The following SH3BGRL2 variants were observed in gnomAD, a reference collection of about 807,000 sequenced individuals.
SH3BGRL2 encodes the protein SH3 domain-binding glutamic acid-rich-like protein 2.
A neutral mutation model predicts 14.8 loss-of-function variants in SH3BGRL2; 21 were observed. The observed-to-expected ratio is 1.42, with a 90% CI of 1.01 to 2.05. SH3BGRL2 has a LOEUF of 2.05. SH3BGRL2 is among the 30% of genes most tolerant of loss of function. SH3BGRL2 has a pLI of 0.00. For missense variants in SH3BGRL2, 147 were observed against 130.8 expected (o/e 1.12, Z -0.61); for synonymous variants, 50 against 47.8 (o/e 1.05, Z -0.19).
chr6:79,615,973 T>C, the SH3BGRL2 span, among the ~76,000 whole-genome samples: 219 of 152,076 alleles, frequency 1.4e-3, 2 homozygotes, highest in African/African-American at 4.9e-3. Flanking sequence ...TGTGCCACCA[T>C]GCCTAGCTGA....
chr6:79,683,738 T>C (rs529499458), intron 2 of SH3BGRL2, among the ~76,000 whole-genome samples: 134 of 152,308 alleles, frequency 8.8e-4, no homozygotes, highest in Admixed American at 5.5e-3. Context: ...TGAGCCACCG[T>C]GCTCGGCCGT....
the SH3BGRL2 span, among the ~76,000 whole-genome samples, chr6:79,556,390 T>A: frequency 6.6e-6 from 1 of 152,148 alleles, no homozygotes; most frequent in Non-Finnish European, 1.5e-5. Context: ...AAAGAGAATT[T>A]ACTATGTTAG....
At chr6:79,643,282 C>A (rs1241399361) in intron 1 of SH3BGRL2, among the ~76,000 whole-genome samples, 1 of 152,048 alleles carries the variant, frequency 6.6e-6, no homozygotes, top group Admixed American at 6.6e-5. Flanking sequence ...TTTTATATTG[C>A]CCCACATTGC....
the SH3BGRL2 span, among the ~76,000 whole-genome samples, chr6:79,559,170 G>C: frequency 6.6e-6 from 1 of 152,088 alleles, no homozygotes; most frequent in African/African-American, 2.4e-5. Context: ...TATGCTTTAA[G>C]ACCTGCAGAT....
At chr6:79,572,891 G>A in the SH3BGRL2 span, among the ~76,000 whole-genome samples, 1 of 152,118 alleles carries the variant, frequency 6.6e-6, no homozygotes, top group African/African-American at 2.4e-5. Flanking sequence ...CATACTCTAT[G>A]CTAAATATTT....
At chr6:79,623,736 C>A in the SH3BGRL2 span, among the ~76,000 whole-genome samples, 159 of 152,274 alleles carry the variant, frequency 1.0e-3, no homozygotes, top group African/African-American at 3.4e-3. Flanking sequence ...TTTTTAAACT[C>A]TTTATGGCTT....
the SH3BGRL2 span, among the ~76,000 whole-genome samples, chr6:79,567,306 A>G: frequency 6.6e-6 from 1 of 152,224 alleles, no homozygotes; most frequent in Non-Finnish European, 1.5e-5. Context: ...AAATTTATTC[A>G]AAAAAGCAAA....
chr6:79,667,351 C>T (rs1769680094), intron 1 of SH3BGRL2, among the ~76,000 whole-genome samples: 1 of 152,030 alleles, frequency 6.6e-6, no homozygotes, highest in South Asian at 2.1e-4. Flanking sequence ...GAGTAGGTTA[C>T]AATCTGTTTA....
intron 3 of SH3BGRL2, among the ~76,000 whole-genome samples, chr6:79,698,545 A>G (rs1770378645): frequency 6.6e-6 from 1 of 152,224 alleles, no homozygotes; most frequent in Admixed American, 6.5e-5. Context: ...CTTACTTGGT[A>G]GGAGAGGACA....
chr6:79,600,720 G>A, the SH3BGRL2 span, among the ~76,000 whole-genome samples: 1 of 152,126 alleles, frequency 6.6e-6, no homozygotes, highest in African/African-American at 2.4e-5. Flanking sequence ...TTTCATTCCT[G>A]TCCCTTTAGG....
chr6:79,659,194 T>C (rs1305236454), intron 1 of SH3BGRL2, among the ~76,000 whole-genome samples: 2 of 152,238 alleles, frequency 1.3e-5, no homozygotes, highest in African/African-American at 4.8e-5. Context: ...TTTGGTGTTT[T>C]AGTCCTGAAG....
chr6:79,658,200 G>C (rs1162698085), intron 1 of SH3BGRL2, among the ~76,000 whole-genome samples: 1 of 152,080 alleles, frequency 6.6e-6, no homozygotes, highest in Admixed American at 6.5e-5. Flanking sequence ...ACAGTGTGCA[G>C]GTTTGTTGCA....
the SH3BGRL2 span, among the ~76,000 whole-genome samples, chr6:79,614,950 C>T: frequency 1.3e-5 from 2 of 152,128 alleles, no homozygotes; most frequent in African/African-American, 4.8e-5. Flanking sequence ...TGGCCCAAGG[C>T]GACCTAGAAG....
intron 2 of SH3BGRL2, among the ~76,000 whole-genome samples, chr6:79,681,197 C>A (rs987550289): frequency 6.6e-6 from 1 of 152,104 alleles, no homozygotes; most frequent in African/African-American, 2.4e-5. Flanking sequence ...ATGGAAAGTT[C>A]TGTTTTATAA....
chr6:79,647,601 C>T (rs184563589), intron 1 of SH3BGRL2, among the ~76,000 whole-genome samples: 1 of 152,070 alleles, frequency 6.6e-6, no homozygotes, highest in African/African-American at 2.4e-5. Flanking sequence ...AACACAGGCT[C>T]ATATGGAATA....
At chr6:79,568,548 A>G in the SH3BGRL2 span, among the ~76,000 whole-genome samples, 1 of 152,100 alleles carries the variant, frequency 6.6e-6, no homozygotes, top group Admixed American at 6.6e-5. Flanking sequence ...TTATTCAGGA[A>G]TACATACATT....
the SH3BGRL2 span, among the ~76,000 whole-genome samples, chr6:79,581,170 C>A: frequency 6.6e-6 from 1 of 152,054 alleles, no homozygotes; most frequent in Non-Finnish European, 1.5e-5. Context: ...CAAAAAAAGT[C>A]CAGGACCAGA....
intron 1 of SH3BGRL2, among the ~76,000 whole-genome samples, chr6:79,649,235 A>G (rs4140508): frequency 0.31 from 47,593 of 152,058 alleles, 8,119 homozygotes; most frequent in South Asian, 0.45. Context: ...TTACATTTGA[A>G]TGGACTCTGG....
At chr6:79,625,681 T>C in the SH3BGRL2 span, among the ~76,000 whole-genome samples, 40,276 of 152,048 alleles carry the variant, frequency 0.26, 5,430 homozygotes, top group East Asian at 0.31. Flanking sequence ...TTATTTTGCA[T>C]GATTAATAAT....
Sources: allele counts gnomAD v4.1 joint callset (sites outside exome capture counted in the v4.1 genomes callset), GRCh38; gene constraint gnomAD v4.1.1; transcripts MANE v1.5; gene names NCBI Gene and HGNC (gene_info 2026-07-23, HGNC 2026-07-21).